Variants in KIAA0825 observed in about 807,000 individuals in gnomAD.
The protein encoded by KIAA0825 is KIAA0825, also known as uncharacterized protein KIAA0825.
KIAA0825 carries 119 observed loss-of-function variants against 147.6 expected under a neutral mutation model. The observed-to-expected ratio is 0.81, with a 90% CI of 0.69 to 0.94. The LOEUF (loss-of-function observed/expected upper bound fraction) is 0.94, where lower values mean the gene tolerates loss of function less well. Among genes scored for constraint, KIAA0825 ranks in the 40% least tolerant of loss-of-function variants. KIAA0825 has a pLI of 0.00. For missense variants in KIAA0825, 1,381 were observed against 1,472.7 expected, an observed-to-expected ratio of 0.94 and a Z score of 1.02; for synonymous variants, 470 against 518.1, an observed-to-expected ratio of 0.91 and a Z score of 1.26.
chr5:94,508,530 GA>G (rs1283874719), intron 5 of KIAA0825, among the ~76,000 whole-genome samples: 5 of 150,798 alleles, frequency 3.3e-5, no homozygotes, highest in East Asian at 1.9e-4. Flanking sequence ...TTTAGAATAT[GA>G]AAAAAAAGGG....
chr5:94,322,175 T>G (rs539773097), intron 20 of KIAA0825, among the ~76,000 whole-genome samples: 85 of 152,042 alleles, frequency 5.6e-4, no homozygotes, highest in African/African-American at 2.0e-3. Flanking sequence ...AAAAATTATT[T>G]GGACTTTAAA....
intron 20 of KIAA0825, among the ~76,000 whole-genome samples, chr5:94,297,924 A>T (rs1302660496): frequency 2.7e-5 from 4 of 149,266 alleles, no homozygotes; most frequent in Non-Finnish European, 5.9e-5. Flanking sequence ...TCAGTTTATT[A>T]TTATTGCTGA....
chr5:94,565,862 C>T (rs1271564174), intron 2 of KIAA0825, among the ~76,000 whole-genome samples: 1 of 152,084 alleles, frequency 6.6e-6, no homozygotes, highest in African/African-American at 2.4e-5. Context: ...ATATCCATTG[C>T]CTTAAATACT....
intron 20 of KIAA0825, among the ~76,000 whole-genome samples, chr5:94,365,607 A>T (rs1227667981): frequency 6.6e-6 from 1 of 152,234 alleles, no homozygotes; most frequent in Non-Finnish European, 1.5e-5. Context: ...TATTACAGTG[A>T]AAGAGATCGG....
At chr5:94,383,021 ACAT>A (rs1245971082) in intron 20 of KIAA0825, among the ~76,000 whole-genome samples, 1 of 152,214 alleles carries the variant, frequency 6.6e-6, no homozygotes, top group East Asian at 1.9e-4. Context: ...TATTGTATAA[ACAT>A]CATGTCACTA....
chr5:94,506,046 A>T lies in KIAA0825; in HGVS notation c.970+14202T>A, dbSNP rs139563153. ...GTGGGAAAATACTCCTTATATTTTA[A>T]CTACTATTGCACACTTCATAATTGC... On this transcript the variant is annotated intron_variant, in intron 5 of 20. Coordinates refer to ENST00000682413, the MANE Select transcript of KIAA0825 (RefSeq NM_001145678.3). 4.0e-3 allele frequency among the ~76,000 whole-genome samples: 616 copies of T among 152,324 alleles called. 1 individual carries two copies. Among genetic ancestry groups the T allele is most frequent in the Non-Finnish European group, 6.3e-3 (431 of 68,016 alleles).
At position 94,353,791 on chromosome 5, in the gene KIAA0825, C is replaced by T. The variant is rs144868812; in HGVS notation, c.3710+30577G>A. On this transcript the variant is annotated intron_variant, in intron 20 of 20. Transcript: ENST00000682413. ...ATGCACTGATGTACAGCAAAAGGGTCGGGGGCAGGGACACCGATGAGGATA... is the reference window on the plus strand; with the variant it reads ...ATGCACTGATGTACAGCAAAAGGGTTGGGGGCAGGGACACCGATGAGGATA... Among the ~76,000 whole-genome samples, 223 of 151,974 alleles carry T rather than the reference C, an allele frequency of 1.5e-3. 2 individuals are homozygous for T. The highest frequency in any genetic ancestry group is 5.2e-3 in the African/African-American group (214 of 41,416).
intron 20 of KIAA0825, among the ~76,000 whole-genome samples, chr5:94,227,988 T>A (rs1774357543): frequency 6.6e-6 from 1 of 151,996 alleles, no homozygotes; most frequent in African/African-American, 2.4e-5. Flanking sequence ...TTTAAGTTTT[T>A]CAACATTTAG....
intron 7 of KIAA0825, among the ~76,000 whole-genome samples, chr5:94,474,643 AT>A (rs879300765): frequency 4.6e-5 from 7 of 152,148 alleles, no homozygotes; most frequent in Non-Finnish European, 7.4e-5. Flanking sequence ...AAGGTGATTC[AT>A]TTTTTAGAGC....
intron 7 of KIAA0825, among the ~76,000 whole-genome samples, chr5:94,475,919 A>G: frequency 6.6e-6 from 1 of 150,680 alleles, no homozygotes; most frequent in East Asian, 1.9e-4. Context: ...TACTCTTCTC[A>G]TCTAATATTT....
intron 20 of KIAA0825, among the ~76,000 whole-genome samples, chr5:94,283,044 G>T (rs781249879): frequency 1.1e-4 from 17 of 152,052 alleles, no homozygotes; most frequent in Non-Finnish European, 1.9e-4. Context: ...ACCTTCAGAG[G>T]ATTGAAGCTT....
chr5:94,409,828 A>G (rs1752523219), intron 15 of KIAA0825, among the ~76,000 whole-genome samples: 1 of 152,216 alleles, frequency 6.6e-6, no homozygotes, highest in African/African-American at 2.4e-5. Context: ...CTTGAAAACA[A>G]CTAACTCTCA....
chr5:94,379,263 C>T (rs1180811539), intron 20 of KIAA0825, among the ~76,000 whole-genome samples: 1 of 152,132 alleles, frequency 6.6e-6, no homozygotes. Context: ...TTTAATTAAT[C>T]TTGAATTGAT....
At chr5:94,250,823 C>T (rs1399613221) in intron 20 of KIAA0825, among the ~76,000 whole-genome samples, 1 of 152,038 alleles carries the variant, frequency 6.6e-6, no homozygotes, top group Non-Finnish European at 1.5e-5. Context: ...TTCTACATAT[C>T]CAATGAGATA....
At chr5:94,319,970 T>C (rs1364296683) in intron 20 of KIAA0825, among the ~76,000 whole-genome samples, 2 of 152,016 alleles carry the variant, frequency 1.3e-5, no homozygotes. Context: ...CTTCTTGTTC[T>C]TCCTGGACTA....
chr5:94,504,255 T>A lies in KIAA0825; in HGVS notation c.970+15993A>T, dbSNP rs184337152. ...TAGCCTTATACTAAATTATCTCAAG[T>A]AGGTAGAGGGACAACAGACAATAAG... On this transcript the variant is annotated intron_variant, in intron 5 of 20. Transcript: ENST00000682413. Among the ~76,000 whole-genome samples, 4 of 152,230 alleles carry A rather than the reference T, an allele frequency of 2.6e-5. No homozygotes were observed. In the East Asian group the frequency reaches 7.7e-4, roughly 29 times the overall value.
At chr5:94,282,430 C>T (rs938211889) in intron 20 of KIAA0825, among the ~76,000 whole-genome samples, 1 of 152,008 alleles carries the variant, frequency 6.6e-6, no homozygotes, top group Non-Finnish European at 1.5e-5. Flanking sequence ...TATTAAAACT[C>T]ACATTGGATT....
chr5:94,596,405 A>G (rs1785320640), intron 1 of KIAA0825, among the ~76,000 whole-genome samples: 1 of 152,074 alleles, frequency 6.6e-6, no homozygotes, highest in African/African-American at 2.4e-5. Flanking sequence ...GTGTGGCCTT[A>G]TTTCTGGGCT....
chr5:94,557,118 T>A (rs75142747), intron 2 of KIAA0825, among the ~76,000 whole-genome samples: 20,388 of 152,082 alleles, frequency 0.13, 1,678 homozygotes, highest in African/African-American at 0.22. Context: ...TTAATTAATT[T>A]ATTTATTTAT....
Sources: gnomAD v4.1 joint callset for allele counts (sites outside exome capture counted in the v4.1 genomes callset) on GRCh38, gnomAD v4.1.1 for gene constraint, MANE v1.5 for transcripts, NCBI Gene and HGNC (gene_info 2026-07-23, HGNC 2026-07-21) for gene names.